The following POMP variants were observed in gnomAD, a reference collection of about 807,000 sequenced individuals.
The protein encoded by POMP is 2510048O06Rik.
A neutral mutation model predicts 20.6 loss-of-function variants in POMP; 12 were observed. The observed-to-expected ratio is 0.58, with a 90% CI of 0.37 to 0.94. The LOEUF is 0.94. Ranked by LOEUF, POMP falls within the 40% of genes least tolerant of loss-of-function variation. The pLI is 0.01. For synonymous variants in POMP, 53 were observed against 55.0 expected, an observed-to-expected ratio of 0.96 and a Z score of 0.16; for missense variants, 136 against 161.1, an observed-to-expected ratio of 0.84 and a Z score of 0.84.
Position 28,672,432 on chromosome 13 carries a change from GGTAA to G in POMP, c.358+3_358+6del. The stretch of plus-strand genomic sequence containing the variant: ...TATTGGATTTGAGGATATTCTTAAT[GGTAA>G]GTGTCATTCAGCACCTTTTTATGGA... On this transcript the variant is annotated splice_donor_variant and splice_donor_region_variant and intron_variant, in intron 5 of 5. Coordinates refer to ENST00000380842, the MANE Select transcript of POMP (RefSeq NM_015932.6). LOFTEE classifies it high-confidence loss of function. 6.3e-7 allele frequency: 1 copy of G among 1,583,896 alleles called. No individual in the cohort carries two copies. The highest frequency in any genetic ancestry group is 8.7e-7 in the Non-Finnish European group (1 of 1,152,668).
In POMP at chr13:28,678,318, A is replaced by T; in HGVS notation, c.*216A>T. The T allele has an allele frequency of 1.8e-6, 1 of 542,240 alleles. No homozygotes were observed. The highest frequency in any genetic ancestry group is 3.3e-6 in the Non-Finnish European group (1 of 303,280). The allele number at this position is 542,240 out of a possible 1,614,324, so 33.6% of individuals were successfully genotyped here. On this transcript the variant is annotated 3_prime_UTR_variant, in exon 6 of 6. Coordinates refer to ENST00000380842, the MANE Select transcript of POMP (RefSeq NM_015932.6). The stretch of plus-strand genomic sequence containing the variant: ...CATGTTAAAGCTCTTAATTTATATT[A>T]AAACAGTAGCCTTTGTCTTTAAAAA...
intron 5 of POMP, among the ~76,000 whole-genome samples, chr13:28,677,187 T>C: frequency 6.6e-6 from 1 of 151,112 alleles, no homozygotes; most frequent in East Asian, 1.9e-4. Flanking sequence ...TTCTATGTAG[T>C]CAAAAATATT....
intron 4 of POMP, among the ~76,000 whole-genome samples, chr13:28,669,467 C>A (rs181821295): frequency 2.3e-4 from 35 of 152,272 alleles, no homozygotes; most frequent in African/African-American, 7.7e-4. Flanking sequence ...CCTCAAACTC[C>A]TGGGCTCAAG....
rs1484360425 is a variant in POMP at position 28,678,210 on chromosome 13, T to G, written c.*108T>G. 9.2e-7 allele frequency: 1 copy of G among 1,087,518 alleles called. No individual in the cohort carries two copies. Among genetic ancestry groups the G allele is most frequent in the Non-Finnish European group, 1.4e-6 (1 of 712,142 alleles). 67.4% of individuals were successfully genotyped at this position (1,087,518 alleles called of 1,614,324 possible). On this transcript the variant is annotated 3_prime_UTR_variant, in exon 6 of 6. Coordinates refer to ENST00000380842, the MANE Select transcript of POMP (RefSeq NM_015932.6). ...AGTACTGACACCTGAGAATTTCTGC[T>G]CAAGTAGTATCAGTGATCATTTAAA... is the stretch of plus-strand genomic sequence containing the variant.
rs558030420 is a variant in POMP, at chr13:28,668,876, C to G, written c.264+302C>G. ...TCTAAGAATATCCAAGTGGAGGTGT[C>G]AAGTATACAATTTGTATATAGTTGA... On this transcript the variant is annotated intron_variant, in intron 4 of 5. Transcript: ENST00000380842. Among the ~76,000 whole-genome samples, 22 of 152,044 alleles carry G rather than the reference C, an allele frequency of 1.4e-4. No individual in the cohort carries two copies. In the South Asian group the frequency reaches 4.6e-3, roughly 32 times the overall value.
At chr13:28,662,906 G>C (rs937218327) in intron 2 of POMP, among the ~76,000 whole-genome samples, 1 of 152,114 alleles carries the variant, frequency 6.6e-6, no homozygotes. Flanking sequence ...TTGGATCGTG[G>C]CTCTGCTCTT....
chr13:28,662,921 A>G (rs1884372136), intron 2 of POMP, among the ~76,000 whole-genome samples: 1 of 152,164 alleles, frequency 6.6e-6, no homozygotes, highest in African/African-American at 2.4e-5. Flanking sequence ...GCTCTTTACT[A>G]GATGTGTGCC....
chr13:28,664,809 C>T (rs1288787186), intron 3 of POMP, among the ~76,000 whole-genome samples: 1 of 152,122 alleles, frequency 6.6e-6, no homozygotes, highest in Non-Finnish European at 1.5e-5. Flanking sequence ...TCCACTTCTC[C>T]ATTCCTCTCA....
In POMP at chr13:28,662,073, A is replaced by G. The variant is rs185369649; in HGVS notation, c.4-337A>G. On this transcript the variant is annotated intron_variant, in intron 1 of 5. Transcript: ENST00000380842. ...TCAGCCTTTACTTCTGCCTCACTGG[A>G]AACATATTTAGCCAGTTATCTCAAA... 3.0e-3 allele frequency among the ~76,000 whole-genome samples: 456 copies of G among 152,294 alleles called. 5 individuals carry two copies. Among genetic ancestry groups the G allele is most frequent in the African/African-American group, 0.01 (427 of 41,548 alleles).
chr13:28,659,207 G>A lies in POMP; in HGVS notation c.3+20G>A. 6.3e-7 allele frequency: 1 copy of A among 1,587,006 alleles called. No individual in the cohort carries two copies. Among genetic ancestry groups the A allele is most frequent in the Admixed American group, 1.8e-5 (1 of 56,238 alleles). On this transcript the variant is annotated intron_variant, in intron 1 of 5. Coordinates refer to ENST00000380842, the MANE Select transcript of POMP (RefSeq NM_015932.6). The stretch of plus-strand genomic sequence containing the variant: ...AAGATGGTGAGTGGGTACCCGGGCG[G>A]CTGGAGTTCCACGCGGGCTCGGGAC...
intron 3 of POMP, among the ~76,000 whole-genome samples, chr13:28,667,484 T>C (rs927381016): frequency 7.9e-5 from 12 of 152,300 alleles, no homozygotes; most frequent in Admixed American, 7.2e-4. Context: ...CATAATAAAA[T>C]ACTGCAGGTT....
At chr13:28,676,663 T>A (rs926423296) in intron 5 of POMP, among the ~76,000 whole-genome samples, 1 of 152,204 alleles carries the variant, frequency 6.6e-6, no homozygotes, top group Non-Finnish European at 1.5e-5. Context: ...GTATTGGAGA[T>A]GATGACTTTT....
intron 5 of POMP, among the ~76,000 whole-genome samples, chr13:28,674,329 A>G (rs1022433811): frequency 6.6e-6 from 1 of 152,166 alleles, no homozygotes; most frequent in Non-Finnish European, 1.5e-5. Flanking sequence ...AGCCTTGTAC[A>G]TTGAGTGTGT....
intron 2 of POMP, 23 bp from the exon 3 acceptor site, chr13:28,664,485 GT>G (rs34899277): frequency 2.4e-3 from 2,977 of 1,241,366 alleles, no homozygotes; most frequent in Non-Finnish European, 2.7e-3. Flanking sequence ...TCCTCTAAAT[GT>G]TTTTTTTTTA....
chr13:28,667,163 C>T (rs148446694), intron 3 of POMP, among the ~76,000 whole-genome samples: 95 of 152,264 alleles, frequency 6.2e-4, no homozygotes, highest in African/African-American at 2.2e-3. Flanking sequence ...TTGATAATTA[C>T]AGTATTAATA....
intron 1 of POMP, 100 bp downstream of exon 1, chr13:28,659,287 CGGCGGCAGCGTGG>C: frequency 6.5e-7 from 1 of 1,527,148 alleles, no homozygotes; most frequent in Admixed American, 2.0e-5. Flanking sequence ...GTGGCGGCGG[CGGCGGCAGCGTGG>C]GGCTGAGGCC....
At chr13:28,676,322 A>G (rs1484238074) in intron 5 of POMP, among the ~76,000 whole-genome samples, 1 of 152,162 alleles carries the variant, frequency 6.6e-6, no homozygotes, top group African/African-American at 2.4e-5. Context: ...CATTTCCAAC[A>G]TGAGATTTGG....
chr13:28,662,585 C>G (rs911462236), intron 2 of POMP, 78 bp downstream of exon 2: 1 of 1,206,156 alleles, frequency 8.3e-7, no homozygotes, highest in African/African-American at 1.5e-5. Flanking sequence ...TTTTGATAGG[C>G]TATACATGTG....
At chr13:28,677,126 C>T (rs1204991242) in intron 5 of POMP, among the ~76,000 whole-genome samples, 3 of 152,204 alleles carry the variant, frequency 2.0e-5, no homozygotes, top group East Asian at 3.9e-4. Context: ...CCCTAATTAC[C>T]GGCTGTTTTA....
Sources: allele counts gnomAD v4.1 joint callset (sites outside exome capture counted in the v4.1 genomes callset), GRCh38; gene constraint gnomAD v4.1.1; transcripts MANE v1.5; gene names NCBI Gene and HGNC (gene_info 2026-07-23, HGNC 2026-07-21).